PLEKHH2: variants seen among roughly 807,000 people sequenced by gnomAD.
The protein encoded by PLEKHH2 is pleckstrin homology, MyTH4 and FERM domain containing H2.
In PLEKHH2, 129 loss-of-function variants were observed where a neutral mutation model predicts 187.9. The ratio of observed to expected loss-of-function variants is 0.69; its 90% confidence interval spans 0.59 to 0.79. PLEKHH2 has a LOEUF of 0.79. Ranked by LOEUF, PLEKHH2 falls within the 30% of genes least tolerant of loss-of-function variation. PLEKHH2 has a pLI of 0.00. For synonymous variants in PLEKHH2, 686 were observed against 605.6 expected (o/e 1.13, Z -1.95); for missense variants, 2,076 against 1,751.2 (o/e 1.19, Z -3.31).
At position 43,658,506 on chromosome 2, in the gene PLEKHH2, T is replaced by C. The variant is rs1666900951; in HGVS notation, c.123+13710T>C. On this transcript the variant is annotated intron_variant, in intron 2 of 29. Transcript: ENST00000282406. Reference sequence around the variant, plus strand: ...GAAGCAACTTAGCTTATGTTTCTGATGAGGTTGCAGTCAAAATGTTGGCCT... The same window carrying C: ...GAAGCAACTTAGCTTATGTTTCTGACGAGGTTGCAGTCAAAATGTTGGCCT... 1.3e-5 allele frequency among the ~76,000 whole-genome samples: 2 copies of C among 152,230 alleles called. 1 individual carries two copies. Among genetic ancestry groups the C allele is most frequent in the South Asian group, 4.1e-4 (2 of 4,834 alleles).
At chr2:43,660,010 C>T (rs983751633) in intron 2 of PLEKHH2, among the ~76,000 whole-genome samples, 2 of 152,190 alleles carry the variant, frequency 1.3e-5, no homozygotes, top group South Asian at 2.1e-4. Context: ...TTTCCATCAC[C>T]TCAGAAATTT....
At chr2:43,747,127 T>A (rs1671816938) in intron 24 of PLEKHH2, among the ~76,000 whole-genome samples, 1 of 151,830 alleles carries the variant, frequency 6.6e-6, no homozygotes, top group Non-Finnish European at 1.5e-5. Flanking sequence ...TCTCTCTCTC[T>A]CTCTCTCGGT....
chr2:43,655,652 T>A (rs1049883354), intron 2 of PLEKHH2, among the ~76,000 whole-genome samples: 1 of 152,064 alleles, frequency 6.6e-6, no homozygotes, highest in Non-Finnish European at 1.5e-5. Flanking sequence ...GAACTAGTGG[T>A]TTTTCCAACA....
chr2:43,649,704 T>C (rs763123712), intron 2 of PLEKHH2, among the ~76,000 whole-genome samples: 75 of 152,250 alleles, frequency 4.9e-4, no homozygotes, highest in Non-Finnish European at 8.8e-4. Flanking sequence ...AATTTAAATG[T>C]CACATCTTTG....
chr2:43,658,284 C>T (rs13406520), intron 2 of PLEKHH2, among the ~76,000 whole-genome samples: 63,926 of 151,632 alleles, frequency 0.42, 14,023 homozygotes, highest in African/African-American at 0.51. Context: ...TTCACACTTA[C>T]GTGTATTAAA....
chr2:43,644,437 G>C (rs1666090766), intron 1 of PLEKHH2, among the ~76,000 whole-genome samples: 1 of 93,126 alleles, frequency 1.1e-5, no homozygotes, highest in South Asian at 3.0e-4. Flanking sequence ...AGGTTAAGTA[G>C]CACAGTTGGG....
chr2:43,644,928 T>A, intron 2 of PLEKHH2, 132 bp downstream of exon 2: 14 of 1,033,312 alleles, frequency 1.4e-5, no homozygotes, highest in Non-Finnish European at 1.9e-5. Flanking sequence ...ATTTGGCATA[T>A]TCTTTTGCCA....
chr2:43,760,063 G>A (rs1672363078), intron 27 of PLEKHH2, among the ~76,000 whole-genome samples: 1 of 152,170 alleles, frequency 6.6e-6, no homozygotes, highest in South Asian at 2.1e-4. Flanking sequence ...GTACTTACGG[G>A]AAGTTGAACG....
chr2:43,697,704 T>C (rs951454831), intron 7 of PLEKHH2, among the ~76,000 whole-genome samples: 3 of 152,188 alleles, frequency 2.0e-5, no homozygotes, highest in Admixed American at 6.5e-5. Flanking sequence ...CTATTCATTA[T>C]TTATTTAAAA....
chr2:43,682,658 A>G (rs945040608), intron 3 of PLEKHH2, among the ~76,000 whole-genome samples: 1 of 152,162 alleles, frequency 6.6e-6, no homozygotes, highest in African/African-American at 2.4e-5. Context: ...CATCACCTTT[A>G]TCTAGTTCCA....
chr2:43,670,774 C>T (rs1017161192), intron 2 of PLEKHH2, among the ~76,000 whole-genome samples: 1 of 152,060 alleles, frequency 6.6e-6, no homozygotes, highest in Non-Finnish European at 1.5e-5. Context: ...AGAGAACTGA[C>T]AATAATATCG....
intron 24 of PLEKHH2, among the ~76,000 whole-genome samples, chr2:43,751,045 C>G (rs1279627872): frequency 3.3e-5 from 5 of 152,212 alleles, no homozygotes; most frequent in Admixed American, 1.3e-4. Context: ...AGTCACTTAA[C>G]ATCTCTGTGC....
chr2:43,696,795 A>G (rs1669113189), intron 6 of PLEKHH2, among the ~76,000 whole-genome samples: 1 of 152,156 alleles, frequency 6.6e-6, no homozygotes, highest in Non-Finnish European at 1.5e-5. Context: ...ACAGTGGCAT[A>G]CTGTGCAAAT....
chr2:43,731,424 A>T, intron 18 of PLEKHH2, 66 bp from the exon 19 acceptor site: 1 of 1,074,218 alleles, frequency 9.3e-7, no homozygotes, highest in Non-Finnish European at 1.4e-6. Context: ...CTAAAGGATT[A>T]ATTTAATAAG....
At chr2:43,649,969 G>T (rs1666383925) in intron 2 of PLEKHH2, among the ~76,000 whole-genome samples, 1 of 152,058 alleles carries the variant, frequency 6.6e-6, no homozygotes, top group Non-Finnish European at 1.5e-5. Context: ...ATTTCCCTCT[G>T]CCACTTGCTG....
chr2:43,646,816 C>A (rs1334534566), intron 2 of PLEKHH2, among the ~76,000 whole-genome samples: 1 of 146,206 alleles, frequency 6.8e-6, no homozygotes, highest in Non-Finnish European at 1.5e-5. Flanking sequence ...TAATTTTCTT[C>A]TTCTTTTTTT....
intron 3 of PLEKHH2, among the ~76,000 whole-genome samples, chr2:43,685,848 G>A (rs1289773506): frequency 6.6e-6 from 1 of 152,198 alleles, no homozygotes; most frequent in African/African-American, 2.4e-5. Context: ...AAGCAGCAAA[G>A]AGCATATTTG....
intron 17 of PLEKHH2, among the ~76,000 whole-genome samples, chr2:43,729,011 T>C (rs368835665): frequency 6.6e-5 from 10 of 152,340 alleles, no homozygotes; most frequent in African/African-American, 2.2e-4. Flanking sequence ...CAATAAGAAA[T>C]TGATTAAATA....
chr2:43,699,809 G>A lies in PLEKHH2; in HGVS notation c.851G>A (p.Ser284Asn), dbSNP rs1669264386. The A allele has an allele frequency of 6.2e-7, 1 of 1,611,526 alleles. No homozygotes were observed. The highest frequency in any genetic ancestry group is 8.5e-7 in the Non-Finnish European group (1 of 1,177,656). ...GISQNSGAPV[S>N]DWSSDEEDGS... ...TCCCAGAATTCTGGGGCTCCTGTGA[G>A]TGACTGGAGCTCTGATGAGGAAGAC... The change falls in exon 8 of 30, where the codon AGT (serine) becomes AAT (asparagine). Residue 284 changes from serine (S) to asparagine (N), a missense_variant. Coordinates refer to ENST00000282406, the MANE Select transcript of PLEKHH2 (RefSeq NM_172069.4).
Sources: gnomAD v4.1 joint callset for allele counts (sites outside exome capture counted in the v4.1 genomes callset) on GRCh38, gnomAD v4.1.1 for gene constraint, MANE v1.5 for transcripts, NCBI Gene and HGNC (gene_info 2026-07-23, HGNC 2026-07-21) for gene names.